SLC25A22: variants seen among roughly 807,000 people sequenced by gnomAD.
SLC25A22 encodes mitochondrial glutamate carrier 1.
Under a neutral mutation model 33.7 loss-of-function variants are expected in SLC25A22, and 23 were observed. The observed-to-expected ratio is 0.68, with a 90% CI of 0.49 to 0.97. SLC25A22 has a LOEUF of 0.97. Ranked by LOEUF, SLC25A22 falls within the 50% of genes least tolerant of loss-of-function variation. The pLI, the probability that SLC25A22 is intolerant of heterozygous loss-of-function variation, is 0.00. For synonymous variants in SLC25A22, 245 were observed against 203.8 expected, an observed-to-expected ratio of 1.20 and a Z score of -1.72; for missense variants, 390 against 451.1, an observed-to-expected ratio of 0.86 and a Z score of 1.23.
chr11:791,811 G>A lies in SLC25A22; in HGVS notation c.*104C>T. 3 of 1,436,184 alleles carry A rather than the reference G, an allele frequency of 2.1e-6. No individual in the cohort carries two copies. Among genetic ancestry groups the A allele is most frequent in the Non-Finnish European group, 2.8e-6 (3 of 1,087,440 alleles). 89.0% of individuals were successfully genotyped at this position (1,436,184 alleles called of 1,614,324 possible). A position where few individuals can be genotyped will look rare whatever the true frequency, so the allele number is the denominator to read the frequency against. ...TGCCCCCTGCTGCCCCTGCCGACGG[G>A]AGGGCTGGGGAGGGGTCTTCCCTTG... On this transcript the variant is annotated 3_prime_UTR_variant, in exon 10 of 10. Coordinates refer to ENST00000628067, the MANE Select transcript of SLC25A22 (RefSeq NM_001191061.2).
At position 795,370 on chromosome 11, in the gene SLC25A22, C is replaced by A. The variant is rs1442922001; in HGVS notation, c.-163-201G>T. On this transcript the variant is annotated intron_variant, in intron 1 of 9. Coordinates refer to ENST00000628067, the MANE Select transcript of SLC25A22 (RefSeq NM_001191061.2). ...GGACCACCTGGCTTCCTTTCAGTCC[C>A]CCCCTCCCCACCGCCAGCGTCTTCC... 21 of 256,968 alleles carry A rather than the reference C, an allele frequency of 8.2e-5. 2 individuals carry two copies. The highest frequency in any genetic ancestry group is 1.2e-4 in the Non-Finnish European group (17 of 136,334). 15.9% of individuals were successfully genotyped at this position (256,968 alleles called of 1,614,324 possible). A position where few individuals can be genotyped will look rare whatever the true frequency, so the allele number is the denominator to read the frequency against.
chr11:792,422 A>AAAGAGC lies in SLC25A22; in HGVS notation c.618_623dup (p.Leu207_Phe208insLeuLeu). 6.2e-7 allele frequency: 1 copy of AAAGAGC among 1,613,396 alleles called. No individual in the cohort carries two copies. The highest frequency in any genetic ancestry group is 1.3e-5 in the African/African-American group (1 of 75,026). On this transcript the variant is annotated inframe_insertion, in exon 8 of 10. Transcript: ENST00000628067. The stretch of plus-strand genomic sequence containing the variant: ...GGCGGCCCAGCTGGTTCAGGTTGGC[A>AAAGAGC]AAGAGCGGGAAGTACACCACAGAGA...
intron 1 of SLC25A22, chr11:797,663 A>C: frequency 2.5e-6 from 1 of 398,582 alleles, no homozygotes; most frequent in Non-Finnish European, 4.4e-6. Flanking sequence ...GCGGCTCCCC[A>C]TTCAATCTCC....
chr11:795,278 G>A lies in SLC25A22; in HGVS notation c.-163-109C>T, dbSNP rs566089395. 1.7e-4 allele frequency: 100 copies of A among 603,498 alleles called. No individual in the cohort carries two copies. In the African/African-American group the frequency reaches 1.7e-3, roughly 10 times the overall value. 37.4% of individuals were successfully genotyped at this position (603,498 alleles called of 1,614,324 possible). A position where few individuals can be genotyped will look rare whatever the true frequency, so the allele number is the denominator to read the frequency against. On this transcript the variant is annotated intron_variant, in intron 1 of 9. Transcript: ENST00000628067. ...CCCTCACCCACCACCCCAGACTGAA[G>A]CCGTCACTGCGTCCTGAGGGTGCAG... is the stretch of plus-strand genomic sequence containing the variant.
At chr11:794,656 A>C in intron 3 of SLC25A22, 120 bp downstream of exon 3, 1 of 1,526,920 alleles carries the variant, frequency 6.5e-7, no homozygotes, top group Non-Finnish European at 8.8e-7. Context: ...GATCTCCCCT[A>C]GGCCCGCCTG....
intron 6 of SLC25A22, 53 bp downstream of exon 6, chr11:792,817 C>T: frequency 6.4e-7 from 1 of 1,553,184 alleles, no homozygotes. Flanking sequence ...CCTCCCCTCG[C>T]CCTCACCTCT....
Position 794,779 on chromosome 11 carries a change from C to T in SLC25A22, c.143G>A (p.Ser48Asn), listed in dbSNP as rs757713622. Residue 48 changes from serine to asparagine, a missense_variant, in exon 3 of 10, where the codon AGC becomes AAC. Ser to Asn is a conservative substitution (Grantham distance 46). Transcript: ENST00000628067. ...CGCGACCGCCCGGCACACTCACATG[C>T]TCGTGTACACGCGCTGGCCGTTCTG... ...NQQNGQRVYTSMSDCLIKTVR... is the reference protein window; with the variant it reads ...NQQNGQRVYTNMSDCLIKTVR... 60 of 1,599,014 alleles carry T rather than the reference C, an allele frequency of 3.8e-5. No individual in the cohort carries two copies. Among genetic ancestry groups the T allele is most frequent in the Non-Finnish European group, 4.9e-5 (58 of 1,174,492 alleles).
In SLC25A22 at chr11:792,743, C is replaced by T. The variant is rs1255046037; in HGVS notation, c.413-16G>A. On this transcript the variant is annotated splice_polypyrimidine_tract_variant and intron_variant, in intron 6 of 9. Transcript: ENST00000628067. ...CTCTGGGCGGCTGGGGACAAAGAGG[C>T]TGCTGTCTCCTCTTCTGTGCGAACT... The T allele has an allele frequency of 4.5e-6, 7 of 1,544,586 alleles. No homozygotes were observed. Among genetic ancestry groups the T allele is most frequent in the Admixed American group, 1.9e-5 (1 of 51,430 alleles).
At chr11:793,664 A>C (rs1864652008) in intron 4 of SLC25A22, 45 bp from the exon 5 acceptor site, 1 of 1,400,490 alleles carries the variant, frequency 7.1e-7, no homozygotes, top group Non-Finnish European at 1.0e-6. Flanking sequence ...CGGTGGCCTG[A>C]GTGGGGAGGC....
In SLC25A22 at chr11:795,047, G is replaced by T; in HGVS notation, c.-41C>A. 6.5e-7 allele frequency: 1 copy of T among 1,548,894 alleles called. No individual in the cohort carries two copies. On this transcript the variant is annotated 5_prime_UTR_variant, in exon 2 of 10. Transcript: ENST00000628067. ...CCAGGTAGGAGCCGCAGAGGTGGACGCCAGGCCAGGCGGGGTGGAGGTGGA... is the reference window on the plus strand; with the variant it reads ...CCAGGTAGGAGCCGCAGAGGTGGACTCCAGGCCAGGCGGGGTGGAGGTGGA...
rs1864735438 is a variant in SLC25A22, at chr11:795,111, G to A, written c.-105C>T. On this transcript the variant is annotated 5_prime_UTR_variant, in exon 2 of 10. Transcript: ENST00000628067. ...TTGAGGGAGGGTGGGACCCAGGGGG[G>A]TTGGGTGGTGCTCCACCTTCAGGGG... The A allele has an allele frequency of 1.3e-5, 18 of 1,357,592 alleles. No homozygotes were observed. Among genetic ancestry groups the A allele is most frequent in the Non-Finnish European group, 1.6e-5 (16 of 982,210 alleles). The allele number at this position is 1,357,592 out of a possible 1,614,324, so 84.1% of individuals were successfully genotyped here.
In SLC25A22 at chr11:791,208, TGC is replaced by T; in HGVS notation, c.*705_*706del. On this transcript the variant is annotated 3_prime_UTR_variant, in exon 10 of 10. Coordinates refer to ENST00000628067, the MANE Select transcript of SLC25A22 (RefSeq NM_001191061.2). ...CAGATCCCCACAACACACACACGCA[TGC>T]ACACACACATACACACACACATGCA... is the stretch of plus-strand genomic sequence containing the variant. 6.6e-6 allele frequency: 1 copy of T among 152,222 alleles called. No homozygotes were observed. Among genetic ancestry groups the T allele is most frequent in the Non-Finnish European group, 1.4e-5 (1 of 69,726 alleles). 9.4% of individuals were successfully genotyped at this position (152,222 alleles called of 1,614,324 possible).
chr11:796,945 C>T (rs545184270), intron 1 of SLC25A22, among the ~76,000 whole-genome samples: 5 of 152,212 alleles, frequency 3.3e-5, no homozygotes, highest in Non-Finnish European at 7.3e-5. Flanking sequence ...TAGCCCCCCC[C>T]ACCCCTGCCG....
rs778112073 is a variant in SLC25A22, at chr11:791,882, G to A, written c.*33C>T. On this transcript the variant is annotated 3_prime_UTR_variant, in exon 10 of 10. Transcript: ENST00000628067. Reference sequence around the variant, plus strand: ...CTGGCTCCAGCCCCACACCGGCCCTGCCCAGCTGGCTGGGGTGGAGCGGGT... The same window carrying A: ...CTGGCTCCAGCCCCACACCGGCCCTACCCAGCTGGCTGGGGTGGAGCGGGT... 12 of 1,567,382 alleles carry A rather than the reference G, an allele frequency of 7.7e-6. No individual in the cohort carries two copies. The African/African-American group carries it at 1.6e-4, about 21-fold the overall frequency.
At position 791,904 on chromosome 11, in the gene SLC25A22, G is replaced by T; in HGVS notation, c.*11C>A. ...CCTGCCCAGCTGGCTGGGGTGGAGCGGGTGCTGGGCTCAGGCCTGGGGGTC... is the reference window on the plus strand; with the variant it reads ...CCTGCCCAGCTGGCTGGGGTGGAGCTGGTGCTGGGCTCAGGCCTGGGGGTC... On this transcript the variant is annotated 3_prime_UTR_variant, in exon 10 of 10. Transcript: ENST00000628067. The T allele has an allele frequency of 6.3e-7, 1 of 1,587,572 alleles. No homozygotes were observed. The highest frequency in any genetic ancestry group is 8.5e-7 in the Non-Finnish European group (1 of 1,173,896).
intron 1 of SLC25A22, chr11:795,397 A>G: frequency 3.1e-6 from 1 of 326,588 alleles, no homozygotes; most frequent in Admixed American, 5.1e-5. Flanking sequence ...GCGTCTTCCC[A>G]GCCAGCCTCA....
chr11:797,453 G>C, intron 1 of SLC25A22: 1 of 395,612 alleles, frequency 2.5e-6, no homozygotes, highest in Admixed American at 4.4e-5. Flanking sequence ...CCCGGGCTGT[G>C]AGCCGTCACT....
chr11:794,008 C>T, intron 4 of SLC25A22: 1 of 467,118 alleles, frequency 2.1e-6, no homozygotes, highest in Non-Finnish European at 4.0e-6. Context: ...CTGGACTGGG[C>T]CAGAGCTCGG....
intron 1 of SLC25A22, chr11:797,690 T>C (rs185472521): frequency 2.5e-6 from 1 of 398,682 alleles, no homozygotes; most frequent in East Asian, 3.6e-5. Flanking sequence ...CCCCGTCCTC[T>C]TGGGGCGGTG....
Sources: gnomAD v4.1 joint callset for allele counts (sites outside exome capture counted in the v4.1 genomes callset) on GRCh38, gnomAD v4.1.1 for gene constraint, MANE v1.5 for transcripts, NCBI Gene and HGNC (gene_info 2026-07-23, HGNC 2026-07-21) for gene names.